Variants in CDIN1 observed in about 807,000 individuals in gnomAD.
CDIN1 encodes the protein CDAN1 interacting nuclease 1.
In CDIN1, 33 loss-of-function variants were observed where a neutral mutation model predicts 45.3. That is an observed-to-expected ratio of 0.73 (90% CI 0.55 to 0.97). CDIN1 has a LOEUF of 0.97. Among genes scored for constraint, CDIN1 ranks in the 50% least tolerant of loss-of-function variants. The pLI is 0.00. For missense variants in CDIN1, 303 were observed against 339.4 expected (o/e 0.89, Z 0.84); for synonymous variants, 118 against 124.4 (o/e 0.95, Z 0.34).
chr15:36,736,818 C>A (rs897019524), intron 10 of CDIN1, among the ~76,000 whole-genome samples: 7 of 152,172 alleles, frequency 4.6e-5, no homozygotes, highest in Non-Finnish European at 1.0e-4. Flanking sequence ...ACTCCATACA[C>A]TTCCCTACTT....
intron 3 of CDIN1, among the ~76,000 whole-genome samples, chr15:36,645,820 G>A (rs182589642): frequency 2.6e-5 from 4 of 152,048 alleles, no homozygotes; most frequent in Non-Finnish European, 4.4e-5. Context: ...AGTGTATAAC[G>A]GTCACATTTT....
chr15:36,628,895 A>C (rs896177197), intron 1 of CDIN1, among the ~76,000 whole-genome samples: 1 of 152,216 alleles, frequency 6.6e-6, no homozygotes, highest in Non-Finnish European at 1.5e-5. Flanking sequence ...AATTACATGC[A>C]TCCTGAGAAG....
intron 7 of CDIN1, among the ~76,000 whole-genome samples, chr15:36,696,823 T>C (rs1305134645): frequency 6.6e-6 from 1 of 151,636 alleles, no homozygotes; most frequent in Non-Finnish European, 1.5e-5. Flanking sequence ...ATAAAAATTA[T>C]AGAAAATGCT....
chr15:36,712,035 A>G (rs562709609), intron 10 of CDIN1, among the ~76,000 whole-genome samples: 17 of 152,272 alleles, frequency 1.1e-4, no homozygotes, highest in African/African-American at 4.1e-4. Context: ...TCTTCAGCAT[A>G]TAACTTTAGC....
At chr15:36,794,636 T>C (rs2141099889) in intron 10 of CDIN1, among the ~76,000 whole-genome samples, 1 of 147,238 alleles carries the variant, frequency 6.8e-6, no homozygotes, top group South Asian at 2.2e-4. Context: ...GATTTTCCTC[T>C]TTTTTAAGAC....
intron 10 of CDIN1, among the ~76,000 whole-genome samples, chr15:36,715,729 A>G (rs966735222): frequency 5.3e-5 from 8 of 152,168 alleles, no homozygotes; most frequent in East Asian, 1.9e-4. Flanking sequence ...TGCTTTTTCT[A>G]TCTCTTAAAA....
intron 10 of CDIN1, among the ~76,000 whole-genome samples, chr15:36,754,776 A>G (rs902301025): frequency 5.3e-5 from 8 of 152,142 alleles, no homozygotes; most frequent in African/African-American, 1.9e-4. Flanking sequence ...GAAACTAGAG[A>G]ACAGTATTAA....
intron 10 of CDIN1, chr15:36,799,510 T>TATC (rs2054938374): frequency 6.6e-6 from 1 of 152,136 alleles, no homozygotes; most frequent in African/African-American, 2.4e-5. Context: ...AAAATGGATG[T>TATC]ATCATGGAGA....
intron 5 of CDIN1, among the ~76,000 whole-genome samples, chr15:36,673,724 G>GA (rs576129761): frequency 5.4e-4 from 81 of 149,588 alleles, no homozygotes; most frequent in African/African-American, 1.7e-3. Flanking sequence ...GATAAAGATG[G>GA]AAAAAAAAAA....
intron 5 of CDIN1, among the ~76,000 whole-genome samples, chr15:36,672,298 T>C (rs1169464179): frequency 3.3e-5 from 5 of 152,084 alleles, no homozygotes; most frequent in Admixed American, 2.0e-4. Flanking sequence ...TTAGAGTAGT[T>C]ATACTTTTTT....
intron 10 of CDIN1, among the ~76,000 whole-genome samples, chr15:36,796,072 AAC>A (rs1163991955): frequency 6.6e-6 from 1 of 152,186 alleles, no homozygotes; most frequent in East Asian, 1.9e-4. Context: ...CTTTACAGAT[AAC>A]AGTTTTCTTT....
chr15:36,743,804 G>T (rs994188281), intron 10 of CDIN1, among the ~76,000 whole-genome samples: 5 of 151,760 alleles, frequency 3.3e-5, no homozygotes, highest in Admixed American at 2.0e-4. Context: ...TGGGAGGATC[G>T]CATGAGCCCT....
chr15:36,762,229 C>T (rs1439923476), intron 10 of CDIN1, among the ~76,000 whole-genome samples: 7 of 152,190 alleles, frequency 4.6e-5, no homozygotes, highest in Non-Finnish European at 7.3e-5. Flanking sequence ...TTTCTAACCT[C>T]TCCTATTCTT....
chr15:36,766,459 T>G (rs986639979), intron 10 of CDIN1, among the ~76,000 whole-genome samples: 13 of 149,898 alleles, frequency 8.7e-5, no homozygotes, highest in African/African-American at 3.3e-4. Flanking sequence ...AGTTGCATTT[T>G]TAATTTTTTG....
intron 10 of CDIN1, among the ~76,000 whole-genome samples, chr15:36,772,700 T>G (rs529878372): frequency 2.6e-5 from 4 of 152,330 alleles, no homozygotes; most frequent in Non-Finnish European, 5.9e-5. Flanking sequence ...GGTGCATTGA[T>G]TTCTCTAGTT....
chr15:36,745,116 G>A (rs2044374793), intron 10 of CDIN1, among the ~76,000 whole-genome samples: 1 of 152,148 alleles, frequency 6.6e-6, no homozygotes, highest in Admixed American at 6.5e-5. Flanking sequence ...TTAAACATCA[G>A]AGGTTTCTGA....
intron 3 of CDIN1, among the ~76,000 whole-genome samples, chr15:36,645,751 A>G (rs140427247): frequency 6.6e-6 from 1 of 152,156 alleles, no homozygotes; most frequent in African/African-American, 2.4e-5. Context: ...AGGTATTAGG[A>G]TATCCATTTT....
At chr15:36,628,370 T>C (rs967448744) in intron 1 of CDIN1, among the ~76,000 whole-genome samples, 2 of 152,240 alleles carry the variant, frequency 1.3e-5, no homozygotes, top group African/African-American at 4.8e-5. Flanking sequence ...GATTTCTCCA[T>C]GCTGTTACTT....
intron 10 of CDIN1, among the ~76,000 whole-genome samples, chr15:36,719,755 G>A (rs2043342393): frequency 6.6e-6 from 1 of 152,016 alleles, no homozygotes; most frequent in Non-Finnish European, 1.5e-5. Flanking sequence ...TGGGCCTGTG[G>A]TATTTTTTTG....
Sources: gnomAD v4.1 joint callset for allele counts (sites outside exome capture counted in the v4.1 genomes callset) on GRCh38, gnomAD v4.1.1 for gene constraint, MANE v1.5 for transcripts, NCBI Gene and HGNC (gene_info 2026-07-23, HGNC 2026-07-21) for gene names.